The following ITPR2 variants were observed in gnomAD, a reference collection of about 807,000 sequenced individuals.
The protein encoded by ITPR2 is inositol 1,4,5-trisphosphate receptor type 2, also known as inositol 1,4,5-trisphosphate-gated calcium channel ITPR2.
In ITPR2, 207 loss-of-function variants were observed where a neutral mutation model predicts 317.1. The observed-to-expected ratio is 0.65, with a 90% CI of 0.58 to 0.73. The LOEUF is 0.73. ITPR2 is among the 30% of genes least tolerant of loss of function. The pLI is 0.00. For missense variants in ITPR2, 2,613 were observed against 3,284.0 expected (o/e 0.80, Z 4.99); for synonymous variants, 1,156 against 1,149.1 (o/e 1.01, Z -0.12).
intron 41 of ITPR2, among the ~76,000 whole-genome samples, chr12:26,485,508 GCAAAAAAGAGGC>G (rs904956345): frequency 3.3e-5 from 5 of 152,114 alleles, no homozygotes; most frequent in Admixed American, 3.3e-4. Context: ...TACAAACAAT[GCAAAAAAGAGGC>G]CAAAATTCAG....
intron 55 of ITPR2, among the ~76,000 whole-genome samples, chr12:26,342,065 C>T (rs139273046): frequency 8.5e-5 from 13 of 152,234 alleles, no homozygotes; most frequent in African/African-American, 2.6e-4. Context: ...AATGCTTGCA[C>T]GGTAGTGTGG....
At chr12:26,775,951 T>TATATATATACATAC (rs1179483078) in intron 2 of ITPR2, among the ~76,000 whole-genome samples, 1 of 147,252 alleles carries the variant, frequency 6.8e-6, no homozygotes, top group African/African-American at 2.5e-5. Context: ...TATATATGTA[T>TATATATATACATAC]ATGTATATCC....
chr12:26,725,412 C>T (rs186875313), intron 3 of ITPR2, among the ~76,000 whole-genome samples: 211 of 152,212 alleles, frequency 1.4e-3, no homozygotes, highest in African/African-American at 4.9e-3. Flanking sequence ...TGATGGGAAG[C>T]TTTGAATTAG....
intron 14 of ITPR2, among the ~76,000 whole-genome samples, chr12:26,664,870 T>C (rs1175783979): frequency 6.6e-6 from 1 of 152,182 alleles, no homozygotes; most frequent in Non-Finnish European, 1.5e-5. Context: ...TGATTTTGTA[T>C]TTTCAGACAA....
chr12:26,499,256 T>G (rs1475089830), intron 37 of ITPR2, among the ~76,000 whole-genome samples: 2 of 152,214 alleles, frequency 1.3e-5, no homozygotes, highest in African/African-American at 4.8e-5. Flanking sequence ...CCTATCAGAT[T>G]CATAGACATC....
chr12:26,606,539 C>T (rs1168761519), intron 26 of ITPR2, among the ~76,000 whole-genome samples: 2 of 103,906 alleles, frequency 1.9e-5, no homozygotes, highest in African/African-American at 7.4e-5. Flanking sequence ...AAAGATAGTT[C>T]CTCCCTTTTT....
intron 35 of ITPR2, among the ~76,000 whole-genome samples, chr12:26,560,512 G>T (rs930890088): frequency 1.3e-4 from 20 of 151,922 alleles, no homozygotes; most frequent in African/African-American, 4.4e-4. Context: ...TAATCATCGG[G>T]GCCTCTTAAA....
At chr12:26,343,587 G>C (rs948850583) in intron 55 of ITPR2, among the ~76,000 whole-genome samples, 11 of 152,228 alleles carry the variant, frequency 7.2e-5, no homozygotes, top group African/African-American at 2.7e-4. Flanking sequence ...CACAGAATTT[G>C]CAGAGGCTAA....
intron 22 of ITPR2, among the ~76,000 whole-genome samples, chr12:26,629,256 T>G (rs1431238571): frequency 6.6e-6 from 1 of 152,176 alleles, no homozygotes; most frequent in Non-Finnish European, 1.5e-5. Flanking sequence ...TCCACTTTAC[T>G]TTGAATATTC....
At chr12:26,692,124 C>G (rs919148257) in intron 10 of ITPR2, among the ~76,000 whole-genome samples, 3 of 152,270 alleles carry the variant, frequency 2.0e-5, no homozygotes, top group African/African-American at 7.2e-5. Flanking sequence ...ACCGCCCCCC[C>G]GCCAAATTCT....
chr12:26,514,569 A>G (rs959985753), intron 37 of ITPR2, among the ~76,000 whole-genome samples: 2 of 152,200 alleles, frequency 1.3e-5, no homozygotes, highest in African/African-American at 4.8e-5. Context: ...ACATTGAGCC[A>G]TCTTGGGTGA....
chr12:26,424,652 C>A (rs554457733), intron 49 of ITPR2, among the ~76,000 whole-genome samples: 1 of 134,104 alleles, frequency 7.5e-6, no homozygotes, highest in Non-Finnish European at 1.5e-5. Context: ...TGCAGTGGCA[C>A]GATCTCGGCT....
intron 45 of ITPR2, among the ~76,000 whole-genome samples, chr12:26,461,631 T>A (rs1295639037): frequency 1.7e-4 from 1 of 5,970 alleles, no homozygotes; most frequent in Non-Finnish European, 8.1e-4. Flanking sequence ...CATATAAATA[T>A]ATATATATAT....
At chr12:26,555,863 G>T (rs1944649968) in intron 36 of ITPR2, among the ~76,000 whole-genome samples, 1 of 152,118 alleles carries the variant, frequency 6.6e-6, no homozygotes, top group Non-Finnish European at 1.5e-5. Flanking sequence ...CTCAATAAAA[G>T]CTAGCTCTTT....
chr12:26,416,823 G>C (rs1940735485), intron 50 of ITPR2, among the ~76,000 whole-genome samples: 1 of 152,102 alleles, frequency 6.6e-6, no homozygotes, highest in Non-Finnish European at 1.5e-5. Flanking sequence ...ACATAGTCGA[G>C]ATTTTTCTTT....
chr12:26,784,841 C>G (rs914662798), intron 2 of ITPR2, among the ~76,000 whole-genome samples: 11 of 142,608 alleles, frequency 7.7e-5, no homozygotes, highest in Admixed American at 2.8e-4. Flanking sequence ...CCTGGCTGCC[C>G]AGTCTGGAAG....
chr12:26,732,026 C>A lies in ITPR2; in HGVS notation c.164-6261G>T, dbSNP rs558676089. On this transcript the variant is annotated intron_variant, in intron 2 of 56. Transcript: ENST00000381340. Reference sequence around the variant, plus strand: ...ATTTCAAACCAAACATCTATCCCCCCACCTGCCTTGCCTAAGGCAACTGTA... The same window carrying A: ...ATTTCAAACCAAACATCTATCCCCCAACCTGCCTTGCCTAAGGCAACTGTA... Among the ~76,000 whole-genome samples the A allele has an allele frequency of 5.3e-5, 8 of 151,410 alleles. No individual in the cohort carries two copies. The South Asian group carries it at 6.2e-4, about 12-fold the overall frequency.
intron 37 of ITPR2, among the ~76,000 whole-genome samples, chr12:26,520,298 G>A (rs916506629): frequency 1.3e-5 from 2 of 152,182 alleles, no homozygotes; most frequent in Non-Finnish European, 1.5e-5. Context: ...ATGAGAGGGA[G>A]ATTGCAGGCA....
At chr12:26,638,264 A>C (rs1946906865) in intron 21 of ITPR2, among the ~76,000 whole-genome samples, 1 of 152,262 alleles carries the variant, frequency 6.6e-6, no homozygotes, top group Non-Finnish European at 1.5e-5. Context: ...AATGATTAAT[A>C]GTTGGTAATG....
Sources: allele counts gnomAD v4.1 joint callset (sites outside exome capture counted in the v4.1 genomes callset), GRCh38; gene constraint gnomAD v4.1.1; transcripts MANE v1.5; gene names NCBI Gene and HGNC (gene_info 2026-07-23, HGNC 2026-07-21).